MGAM2: variants seen among roughly 807,000 people sequenced by gnomAD.
MGAM2 encodes maltase-glucoamylase 2 (putative).
MGAM2 carries 98 observed loss-of-function variants against 96.1 expected under a neutral mutation model. That is an observed-to-expected ratio of 1.02 (90% CI 0.87 to 1.21). The LOEUF is 1.21. Among genes scored for constraint, MGAM2 ranks in the 50% most tolerant of loss-of-function variants. The probability of loss-of-function intolerance (pLI) is 0.00; values close to 1 mark genes in which losing one functional copy is unlikely to be tolerated. For missense variants in MGAM2, 2,055 were observed against 1,182.4 expected, an observed-to-expected ratio of 1.74 and a Z score of -10.82; for synonymous variants, 749 against 414.8, an observed-to-expected ratio of 1.81 and a Z score of -9.79.
At chr7:142,145,001 C>T in intron 14 of MGAM2, 56 bp downstream of exon 14, 1 of 695,830 alleles carries the variant, frequency 1.4e-6, no homozygotes, top group Non-Finnish European at 2.6e-6. Flanking sequence ...AAAACACCCT[C>T]AGTAATACTC....
intron 6 of MGAM2, among the ~76,000 whole-genome samples, chr7:142,132,444 ATAT>A (rs544037053): frequency 0.036 from 5,122 of 140,744 alleles, 110 homozygotes; most frequent in Middle Eastern, 0.098. Context: ...ATAATTAATA[ATAT>A]TATAATTATA....
chr7:142,147,245 A>G (rs1200967059), intron 14 of MGAM2, among the ~76,000 whole-genome samples: 1 of 152,208 alleles, frequency 6.6e-6, no homozygotes, highest in Non-Finnish European at 1.5e-5. Context: ...AAGGGAATGC[A>G]GATTAATTTT....
chr7:142,219,306 C>A (rs575360690), intron 47 of MGAM2, among the ~76,000 whole-genome samples: 1 of 152,070 alleles, frequency 6.6e-6, no homozygotes, highest in African/African-American at 2.4e-5. Context: ...GAAAATGGCC[C>A]CTCTGAGCAC....
rs955341404 is a variant in MGAM2, at chr7:142,134,193, A to T, written c.747+41A>T. 3 of 695,944 alleles carry T rather than the reference A, an allele frequency of 4.3e-6. No homozygotes were observed. In the African/African-American group the frequency reaches 5.2e-5, roughly 12 times the overall value. 43.1% of individuals were successfully genotyped at this position (695,944 alleles called of 1,614,324 possible). A position where few individuals can be genotyped will look rare whatever the true frequency, so the allele number is the denominator to read the frequency against. ...TCCTGAGTATCGCCCACAGTAAGGG[A>T]TACCCTCCTTCCTTTCCTAAAAGTA... On this transcript the variant is annotated intron_variant, in intron 7 of 47. Transcript: ENST00000477922.
intron 46 of MGAM2, among the ~76,000 whole-genome samples, chr7:142,211,440 CT>C (rs1206354331): frequency 2.6e-5 from 4 of 152,110 alleles, no homozygotes; most frequent in Non-Finnish European, 5.9e-5. Flanking sequence ...AGCTAAGAAC[CT>C]TGATAAAAGG....
intron 1 of MGAM2, among the ~76,000 whole-genome samples, chr7:142,114,037 G>A (rs953107460): frequency 9.9e-5 from 15 of 151,464 alleles, no homozygotes; most frequent in Non-Finnish European, 2.2e-4. Context: ...GGGCTGAGGC[G>A]GGAGAATCAC....
intron 1 of MGAM2, among the ~76,000 whole-genome samples, chr7:142,116,489 C>T (rs1019714801): frequency 6.6e-5 from 10 of 152,224 alleles, no homozygotes; most frequent in Non-Finnish European, 1.2e-4. Context: ...AGCATACCTT[C>T]CTGTCTACTA....
At chr7:142,158,142 A>G in intron 18 of MGAM2, 51 bp downstream of exon 18, 1 of 699,744 alleles carries the variant, frequency 1.4e-6, no homozygotes, top group Non-Finnish European at 2.6e-6. Context: ...GTTTCACTTG[A>G]CTTTGTTTGT....
intron 45 of MGAM2, among the ~76,000 whole-genome samples, chr7:142,202,090 A>G (rs1230416516): frequency 6.6e-6 from 1 of 152,244 alleles, no homozygotes; most frequent in Non-Finnish European, 1.5e-5. Flanking sequence ...TACATATTGT[A>G]TGATTCTATT....
At chr7:142,211,635 T>A in intron 46 of MGAM2, among the ~76,000 whole-genome samples, 1 of 151,662 alleles carries the variant, frequency 6.6e-6, no homozygotes, top group South Asian at 2.1e-4. Flanking sequence ...GAAGACAAAA[T>A]TAGAGAAAAA....
In MGAM2 at chr7:142,182,741, C is replaced by T. The variant is rs1407002974; in HGVS notation, c.3817-525C>T. Among the ~76,000 whole-genome samples the T allele has an allele frequency of 7.2e-5, 11 of 152,338 alleles. No individual in the cohort carries two copies. The South Asian group carries it at 2.1e-3, about 29-fold the overall frequency. On this transcript the variant is annotated intron_variant, in intron 32 of 47. Transcript: ENST00000477922. ...GAGCTGGTCCCGGCACTCAGCAACT[C>T]TATGTGGGATTTCCAGCTTTCTCCC...
chr7:142,189,447 G>A lies in MGAM2; in HGVS notation c.4288G>A (p.Val1430Met), dbSNP rs4726494. The change falls in exon 37 of 48, where the codon GTG becomes ATG. Residue 1430 changes from valine to methionine, a missense_variant. Transcript: ENST00000477922. The part of the protein sequence containing the change: ...SQQILPDSSP[V>M]EHYNVHNLYG... ...GCAGATCCTGCCGGACAGCTCCCCC[G>A]TGGAGCACTACAACGTGCACAACCT... 6.2e-3 allele frequency: 5,102 copies of A among 822,122 alleles called. 37 individuals are homozygous for A. Among genetic ancestry groups the A allele is most frequent in the Non-Finnish European group, 8.7e-3 (4,201 of 481,518 alleles). The allele number at this position is 822,122 out of a possible 1,614,324, so 50.9% of individuals were successfully genotyped here.
rs150408348 is a variant in MGAM2, at chr7:142,209,267, A to T, written c.5187+645A>T. ...AAAAGTGGAGATCCCTTAGTTCTTT[A>T]TAATTTTTTTGTATCGAGTTGACTA... On this transcript the variant is annotated intron_variant, in intron 46 of 47. Transcript: ENST00000477922. Among the ~76,000 whole-genome samples the T allele has an allele frequency of 5.7e-4, 87 of 152,278 alleles. 1 individual carries two copies. The East Asian group carries it at 8.7e-3, about 15-fold the overall frequency.
intron 17 of MGAM2, among the ~76,000 whole-genome samples, chr7:142,155,177 A>G (rs1029567366): frequency 6.6e-6 from 1 of 152,230 alleles, no homozygotes; most frequent in African/African-American, 2.4e-5. Flanking sequence ...AGTTAATACA[A>G]GGGAAATCCC....
intron 32 of MGAM2, among the ~76,000 whole-genome samples, chr7:142,176,051 C>T (rs572400073): frequency 6.8e-6 from 1 of 147,846 alleles, no homozygotes; most frequent in Admixed American, 6.9e-5. Context: ...TTATTATTCT[C>T]TTGGTAAAGT....
chr7:142,149,665 C>G (rs1180142467), intron 15 of MGAM2, among the ~76,000 whole-genome samples: 1 of 151,568 alleles, frequency 6.6e-6, no homozygotes, highest in Non-Finnish European at 1.5e-5. Context: ...CTCAGCCTCC[C>G]AAGTAGCTGG....
chr7:142,172,889 CT>C, intron 30 of MGAM2, 125 bp downstream of exon 30: 1 of 562,010 alleles, frequency 1.8e-6, no homozygotes, highest in Non-Finnish European at 3.2e-6. Context: ...TTATTACTGC[CT>C]TTGCTGAAAT....
chr7:142,161,255 T>C, intron 22 of MGAM2, 42 bp downstream of exon 22: 1 of 699,364 alleles, frequency 1.4e-6, no homozygotes, highest in South Asian at 1.5e-5. Context: ...TCACTGTGGT[T>C]CTCCCTGAAA....
chr7:142,117,693 C>T (rs1792336832), intron 2 of MGAM2, among the ~76,000 whole-genome samples: 1 of 152,132 alleles, frequency 6.6e-6, no homozygotes, highest in South Asian at 2.1e-4. Context: ...AACATTAAGA[C>T]ACTTTCTAGG....
Sources: gnomAD v4.1 joint callset for allele counts (sites outside exome capture counted in the v4.1 genomes callset) on GRCh38, gnomAD v4.1.1 for gene constraint, MANE v1.5 for transcripts, NCBI Gene and HGNC (gene_info 2026-07-23, HGNC 2026-07-21) for gene names.